POU6F2: variants seen among roughly 807,000 people sequenced by gnomAD.
POU6F2 encodes POU domain, class 6, transcription factor 2.
A neutral mutation model predicts 71.3 loss-of-function variants in POU6F2; 31 were observed. The observed-to-expected ratio is 0.43, with a 90% CI of 0.33 to 0.59. The LOEUF (loss-of-function observed/expected upper bound fraction) is 0.59. POU6F2 is among the 20% of genes least tolerant of loss of function. The probability of loss-of-function intolerance (pLI) is 0.04; values close to 1 mark genes in which losing one functional copy is unlikely to be tolerated. For synonymous variants in POU6F2, 347 were observed against 355.7 expected, an observed-to-expected ratio of 0.98 and a Z score of 0.27; for missense variants, 783 against 856.8, an observed-to-expected ratio of 0.91 and a Z score of 1.07.
At chr7:39,321,828 A>T (rs144794529) in intron 4 of POU6F2, among the ~76,000 whole-genome samples, 270 of 152,002 alleles carry the variant, frequency 1.8e-3, no homozygotes, top group African/African-American at 6.4e-3. Context: ...GAGAGGGAGA[A>T]AGAGAAGTAG....
At chr7:39,185,316 C>T (rs1425031336) in intron 2 of POU6F2, among the ~76,000 whole-genome samples, 7 of 152,120 alleles carry the variant, frequency 4.6e-5, no homozygotes, top group Non-Finnish European at 1.0e-4. Flanking sequence ...CAGGACAGCG[C>T]CACTGGATTG....
At chr7:39,372,310 A>C (rs1306437756) in intron 5 of POU6F2, among the ~76,000 whole-genome samples, 2 of 152,252 alleles carry the variant, frequency 1.3e-5, no homozygotes, top group South Asian at 4.1e-4. Flanking sequence ...GGAATTGAGT[A>C]GAATTTTTAT....
At chr7:39,461,915 G>A (rs1416366296) in intron 9 of POU6F2, among the ~76,000 whole-genome samples, 2 of 152,152 alleles carry the variant, frequency 1.3e-5, no homozygotes, top group African/African-American at 4.8e-5. Flanking sequence ...GTACAGAAGT[G>A]TCAACACTAA....
rs902128204 is a variant in POU6F2, at chr7:39,345,118, A to G, written c.972+5103A>G. Among the ~76,000 whole-genome samples the G allele has an allele frequency of 2.1e-4, 32 of 152,222 alleles. 1 individual carries two copies. The highest frequency in any genetic ancestry group is 1.8e-4 in the Non-Finnish European group (12 of 68,038). On this transcript the variant is annotated intron_variant, in intron 5 of 9. Coordinates refer to ENST00000518318, the MANE Select transcript of POU6F2 (RefSeq NM_001370959.1). ...AGGATCAGTAACAGTATTGAGCCATATTGGAGTCTGAGGCAAAAGAAAAAA... is the reference window on the plus strand; with the variant it reads ...AGGATCAGTAACAGTATTGAGCCATGTTGGAGTCTGAGGCAAAAGAAAAAA...
chr7:39,270,840 A>G (rs977877639), intron 4 of POU6F2, among the ~76,000 whole-genome samples: 3 of 152,216 alleles, frequency 2.0e-5, no homozygotes, highest in Admixed American at 6.5e-5. Flanking sequence ...CCAATTAGTG[A>G]CATAACTTCA....
chr7:39,243,452 C>A (rs934085317), intron 4 of POU6F2, among the ~76,000 whole-genome samples: 1 of 152,104 alleles, frequency 6.6e-6, no homozygotes, highest in Non-Finnish European at 1.5e-5. Context: ...AAGACCCAGC[C>A]TCATTGCTTG....
At chr7:39,082,643 T>A (rs1304107004) in intron 1 of POU6F2, among the ~76,000 whole-genome samples, 2 of 152,092 alleles carry the variant, frequency 1.3e-5, no homozygotes, top group African/African-American at 4.8e-5. Context: ...CGAGTGCTAC[T>A]TGAAAGAGGC....
intron 3 of POU6F2, among the ~76,000 whole-genome samples, chr7:39,205,952 G>A (rs1794002969): frequency 6.6e-6 from 1 of 152,170 alleles, no homozygotes; most frequent in South Asian, 2.1e-4. Context: ...CAAGAAAGGG[G>A]TAAAACATGG....
chr7:39,056,751 G>A (rs1316389014), intron 1 of POU6F2, among the ~76,000 whole-genome samples: 1 of 150,752 alleles, frequency 6.6e-6, no homozygotes, highest in Admixed American at 6.6e-5. Flanking sequence ...ATGCCAGTAG[G>A]ACATTTTTTA....
chr7:39,216,951 G>A (rs917393363), intron 4 of POU6F2, among the ~76,000 whole-genome samples: 4 of 151,896 alleles, frequency 2.6e-5, no homozygotes, highest in Non-Finnish European at 5.9e-5. Flanking sequence ...CACACCCACA[G>A]AGAGAGGGAG....
chr7:39,007,688 C>T (rs1789119784), intron 1 of POU6F2, among the ~76,000 whole-genome samples: 1 of 152,088 alleles, frequency 6.6e-6, no homozygotes, highest in Non-Finnish European at 1.5e-5. Flanking sequence ...CCCCCAACCC[C>T]ACCACAGTCC....
intron 6 of POU6F2, among the ~76,000 whole-genome samples, chr7:39,418,062 A>T (rs1303072298): frequency 6.6e-6 from 1 of 152,228 alleles, no homozygotes; most frequent in African/African-American, 2.4e-5. Flanking sequence ...TATTCCCATT[A>T]TACAGATTAA....
chr7:38,993,090 G>A (rs1431658261), intron 1 of POU6F2, among the ~76,000 whole-genome samples: 2 of 152,134 alleles, frequency 1.3e-5, no homozygotes, highest in Non-Finnish European at 2.9e-5. Flanking sequence ...TGTAAGTAAA[G>A]TTATGTTAAT....
intron 1 of POU6F2, among the ~76,000 whole-genome samples, chr7:39,004,242 A>T (rs1788992914): frequency 1.3e-5 from 2 of 152,250 alleles, no homozygotes; most frequent in African/African-American, 4.8e-5. Context: ...AACTTCACAG[A>T]AATATTTTTA....
intron 1 of POU6F2, among the ~76,000 whole-genome samples, chr7:39,085,382 C>A (rs1335186943): frequency 1.3e-5 from 2 of 151,920 alleles, no homozygotes; most frequent in African/African-American, 4.8e-5. Context: ...AATTGCTTCT[C>A]CCCCGGGGAG....
At chr7:39,382,819 C>T (rs774948348) in intron 5 of POU6F2, among the ~76,000 whole-genome samples, 2 of 151,956 alleles carry the variant, frequency 1.3e-5, no homozygotes, top group African/African-American at 2.4e-5. Flanking sequence ...GGTGGAGATC[C>T]TCAAACACCC....
At chr7:39,197,145 C>T (rs555915836) in intron 2 of POU6F2, among the ~76,000 whole-genome samples, 1 of 152,312 alleles carries the variant, frequency 6.6e-6, no homozygotes. Flanking sequence ...CTCACCTCCC[C>T]AGGACAGGAC....
chr7:39,283,903 T>C (rs1784608248), intron 4 of POU6F2, among the ~76,000 whole-genome samples: 1 of 152,230 alleles, frequency 6.6e-6, no homozygotes, highest in African/African-American at 2.4e-5. Context: ...TATTAAATTA[T>C]TGCAGATAAT....
chr7:39,031,134 C>T (rs1319679081), intron 1 of POU6F2, among the ~76,000 whole-genome samples: 5 of 151,934 alleles, frequency 3.3e-5, no homozygotes, highest in South Asian at 2.1e-4. Context: ...ATCCTGACCT[C>T]GTGATCCGCC....
Sources: gnomAD v4.1 joint callset for allele counts (sites outside exome capture counted in the v4.1 genomes callset) on GRCh38, gnomAD v4.1.1 for gene constraint, MANE v1.5 for transcripts, NCBI Gene and HGNC (gene_info 2026-07-23, HGNC 2026-07-21) for gene names.